CTXN3: variants seen among roughly 807,000 people sequenced by gnomAD.
CTXN3 encodes cortexin 3, also known as cortexin-3.
Under a neutral mutation model 5.0 loss-of-function variants are expected in CTXN3, and 4 were observed. That is an observed-to-expected ratio of 0.79 (90% confidence interval 0.39 to 1.82). The LOEUF is 1.82. CTXN3 is among the 40% of genes most tolerant of loss of function. The pLI is 0.04. For missense variants in CTXN3, 89 were observed against 99.7 expected (o/e 0.89, Z 0.46); for synonymous variants, 48 against 38.6 (o/e 1.24, Z -0.91).
chr5:127,656,425 T>C (rs763855839), intron 2 of CTXN3, among the ~76,000 whole-genome samples: 12 of 152,218 alleles, frequency 7.9e-5, no homozygotes, highest in Non-Finnish European at 1.5e-4. Context: ...TTTCCTTCTC[T>C]TCCTCTCTAC....
chr5:127,652,532 A>G (rs1749806905), intron 1 of CTXN3, among the ~76,000 whole-genome samples: 1 of 152,024 alleles, frequency 6.6e-6, no homozygotes, highest in Non-Finnish European at 1.5e-5. Flanking sequence ...CTGGAGATGG[A>G]GTAAAAAACA....
chr5:127,651,882 A>C (rs1212680348), intron 1 of CTXN3: 2 of 152,166 alleles, frequency 1.3e-5, no homozygotes, highest in Non-Finnish European at 2.9e-5. Flanking sequence ...CTTCAGAGAA[A>C]GTATTTTTTC....
chr5:127,650,976 A>C (rs550873700), intron 1 of CTXN3, among the ~76,000 whole-genome samples: 58 of 152,226 alleles, frequency 3.8e-4, no homozygotes, highest in Non-Finnish European at 7.9e-4. Flanking sequence ...TACTTGAATC[A>C]TTCAAAGCCA....
chr5:127,651,449 A>C (rs943377990), intron 1 of CTXN3, among the ~76,000 whole-genome samples: 1 of 152,186 alleles, frequency 6.6e-6, no homozygotes, highest in African/African-American at 2.4e-5. Context: ...GTGAAAAACT[A>C]GGGATCTACC....
chr5:127,655,067 C>T (rs1198707535), intron 2 of CTXN3, among the ~76,000 whole-genome samples: 2 of 151,860 alleles, frequency 1.3e-5, no homozygotes, highest in African/African-American at 2.4e-5. Flanking sequence ...AGTTCAAGAC[C>T]AGCCTGACCA....
chr5:127,650,472 G>C (rs1249700043), intron 1 of CTXN3, among the ~76,000 whole-genome samples: 1 of 152,086 alleles, frequency 6.6e-6, no homozygotes, highest in Admixed American at 6.6e-5. Context: ...GGCTGTACTT[G>C]GAAAAAAATA....
chr5:127,654,513 G>T (rs1415298552), intron 2 of CTXN3, among the ~76,000 whole-genome samples: 1 of 152,206 alleles, frequency 6.6e-6, no homozygotes, highest in Non-Finnish European at 1.5e-5. Context: ...TGAAGAGGCA[G>T]ATATGGCAGA....
chr5:127,657,283 T>G, intron 2 of CTXN3, 140 bp from the exon 3 acceptor site: 1 of 503,886 alleles, frequency 2.0e-6, no homozygotes, highest in South Asian at 2.4e-5. Flanking sequence ...TTCCCGATAA[T>G]TATACAGAAT....
In CTXN3 at chr5:127,649,246, G is replaced by A. The variant is rs1429243631; in HGVS notation, c.-349G>A. On this transcript the variant is annotated 5_prime_UTR_variant, in exon 1 of 3. In the 5' UTR this introduces an upstream ATG that the reference lacks. Transcript: ENST00000379445. Reference sequence around the variant, plus strand: ...CTGAAACAACAGCTTTAGACCTGGGGTGTGCCATCAGCTGCCTTGCAGCTA... The same window carrying A: ...CTGAAACAACAGCTTTAGACCTGGGATGTGCCATCAGCTGCCTTGCAGCTA... 6.6e-6 allele frequency: 1 copy of A among 152,176 alleles called. No homozygotes were observed. The highest frequency in any genetic ancestry group is 1.5e-5 in the Non-Finnish European group (1 of 68,032). 9.4% of individuals were successfully genotyped at this position (152,176 alleles called of 1,614,324 possible).
chr5:127,655,430 T>C (rs765082086), intron 2 of CTXN3, among the ~76,000 whole-genome samples: 1 of 152,158 alleles, frequency 6.6e-6, no homozygotes, highest in Non-Finnish European at 1.5e-5. Flanking sequence ...GGATCCTCAG[T>C]AGGATATGAA....
In CTXN3 at chr5:127,658,109, G is replaced by A. The variant is rs1749957940; in HGVS notation, c.*342G>A. On this transcript the variant is annotated 3_prime_UTR_variant, in exon 3 of 3. Coordinates refer to ENST00000379445, the MANE Select transcript of CTXN3 (RefSeq NM_001048252.3). ...GATCTGACTAAAGAATAAAAGACTA[G>A]AAAGGATCTCATATGAATCTGGTGA... The A allele has an allele frequency of 3.7e-6, 1 of 270,456 alleles. No individual in the cohort carries two copies. The highest frequency in any genetic ancestry group is 5.1e-5 in the Admixed American group (1 of 19,638). The allele number at this position is 270,456 out of a possible 1,614,324, so 16.8% of individuals were successfully genotyped here.
intron 2 of CTXN3, among the ~76,000 whole-genome samples, chr5:127,654,961 C>T (rs1749872056): frequency 6.6e-6 from 1 of 152,064 alleles, no homozygotes; most frequent in South Asian, 2.1e-4. Flanking sequence ...ATGGTGTTTT[C>T]CTAAAGAACT....
chr5:127,653,254 G>A (rs1048125090), intron 1 of CTXN3, 63 bp from the exon 2 acceptor site: 1 of 152,124 alleles, frequency 6.6e-6, no homozygotes, highest in Non-Finnish European at 1.5e-5. Flanking sequence ...CTCGAGCAAG[G>A]GAATGTATTA....
chr5:127,650,715 G>A (rs1043027971), intron 1 of CTXN3, among the ~76,000 whole-genome samples: 4 of 152,212 alleles, frequency 2.6e-5, no homozygotes, highest in African/African-American at 9.6e-5. Context: ...ATTTGTAGGG[G>A]AATAATATTT....
intron 2 of CTXN3, among the ~76,000 whole-genome samples, chr5:127,657,003 G>A (rs951362706): frequency 3.3e-5 from 5 of 152,206 alleles, no homozygotes; most frequent in African/African-American, 1.2e-4. Flanking sequence ...CATGTTTCAA[G>A]TTTAGCCACT....
At chr5:127,656,695 G>C (rs1749915866) in intron 2 of CTXN3, among the ~76,000 whole-genome samples, 1 of 152,224 alleles carries the variant, frequency 6.6e-6, no homozygotes, top group South Asian at 2.1e-4. Flanking sequence ...TTGTGTCTTA[G>C]GTGAAGCAAC....
chr5:127,655,924 C>T (rs1749897836), intron 2 of CTXN3, among the ~76,000 whole-genome samples: 1 of 152,128 alleles, frequency 6.6e-6, no homozygotes, highest in Admixed American at 6.5e-5. Context: ...TGGGATCCCC[C>T]TTATAAATTG....
At chr5:127,654,262 C>T (rs987837762) in intron 2 of CTXN3, among the ~76,000 whole-genome samples, 1 of 152,160 alleles carries the variant, frequency 6.6e-6, no homozygotes, top group Non-Finnish European at 1.5e-5. Context: ...AAAATTCTTT[C>T]ACCTCTATTT....
intron 1 of CTXN3, among the ~76,000 whole-genome samples, chr5:127,650,143 G>C (rs1365425600): frequency 6.6e-6 from 1 of 152,094 alleles, no homozygotes; most frequent in South Asian, 2.1e-4. Context: ...TGAAGACAAA[G>C]GTCTCCTGCT....
Sources: allele counts gnomAD v4.1 joint callset (sites outside exome capture counted in the v4.1 genomes callset), GRCh38; gene constraint gnomAD v4.1.1; transcripts MANE v1.5; gene names NCBI Gene and HGNC (gene_info 2026-07-23, HGNC 2026-07-21).